ATP11B: variants seen among roughly 807,000 people sequenced by gnomAD.
ATP11B encodes the protein ATPase phospholipid transporting 11B (putative).
Under a neutral mutation model 157.8 loss-of-function variants are expected in ATP11B, and 81 were observed. The ratio of observed to expected loss-of-function variants is 0.51; its 90% CI spans 0.43 to 0.62. The LOEUF (loss-of-function observed/expected upper bound fraction) is 0.62. Ranked by LOEUF, ATP11B falls within the 20% of genes least tolerant of loss-of-function variation. ATP11B has a pLI of 0.00. For missense variants in ATP11B, 1,165 were observed against 1,402.2 expected, an observed-to-expected ratio of 0.83 and a Z score of 2.70; for synonymous variants, 451 against 469.4, an observed-to-expected ratio of 0.96 and a Z score of 0.51.
rs1719006807 is a variant in ATP11B at position 182,841,345 on chromosome 3, G to C, written c.657-730G>C. 2.0e-5 allele frequency among the ~76,000 whole-genome samples: 3 copies of C among 152,166 alleles called. No individual in the cohort carries two copies. The South Asian group carries it at 6.2e-4, about 32-fold the overall frequency. On this transcript the variant is annotated intron_variant, in intron 7 of 29. Coordinates refer to ENST00000323116, the MANE Select transcript of ATP11B (RefSeq NM_014616.3). The stretch of plus-strand genomic sequence containing the variant: ...TGTAAACTCTAGAGCAGGCATCTTT[G>C]TGTATTTTGTTCACTGATGGATCTC...
At chr3:182,912,997 C>T (rs1029199333) in intron 28 of ATP11B, among the ~76,000 whole-genome samples, 2 of 152,018 alleles carry the variant, frequency 1.3e-5, no homozygotes, top group Admixed American at 6.6e-5. Context: ...GTGGTCATAC[C>T]ATCTTTCCCC....
chr3:182,875,730 C>G (rs530066132), intron 19 of ATP11B, among the ~76,000 whole-genome samples: 14 of 152,240 alleles, frequency 9.2e-5, no homozygotes, highest in African/African-American at 3.4e-4. Flanking sequence ...TGTGAGCCAC[C>G]GCACCCGGCC....
At chr3:182,867,961 C>T (rs1721372920) in intron 15 of ATP11B, among the ~76,000 whole-genome samples, 2 of 152,168 alleles carry the variant, frequency 1.3e-5, no homozygotes, top group Admixed American at 1.3e-4. Flanking sequence ...TATTTACTCT[C>T]TGGCCCTTTA....
At position 182,920,061 on chromosome 3, in the gene ATP11B, C is replaced by T. The variant is rs962301657; in HGVS notation, c.*1957C>T. 1 of 152,140 alleles carries T rather than the reference C, an allele frequency of 6.6e-6. No homozygotes were observed. The highest frequency in any genetic ancestry group is 2.4e-5 in the African/African-American group (1 of 41,416). The allele number at this position is 152,140 out of a possible 1,614,324, so 9.4% of individuals were successfully genotyped here. On this transcript the variant is annotated 3_prime_UTR_variant, in exon 30 of 30. Transcript: ENST00000323116. ...ATATAACAAAATGACACCCAGTAGGCCTGCATTACATTTACATGACCGTGT... is the reference window on the plus strand; with the variant it reads ...ATATAACAAAATGACACCCAGTAGGTCTGCATTACATTTACATGACCGTGT...
At chr3:182,907,319 A>G (rs1724439663) in intron 28 of ATP11B, among the ~76,000 whole-genome samples, 2 of 152,180 alleles carry the variant, frequency 1.3e-5, no homozygotes, top group Admixed American at 1.3e-4. Context: ...GTTGTCTCAT[A>G]TGGGAGAAGC....
intron 21 of ATP11B, among the ~76,000 whole-genome samples, chr3:182,881,250 G>C (rs1409885881): frequency 7.9e-5 from 12 of 152,092 alleles, no homozygotes. Flanking sequence ...CCTGACCAAC[G>C]TGGTGAAACC....
chr3:182,812,070 G>A (rs1576957157), intron 1 of ATP11B, among the ~76,000 whole-genome samples: 1 of 152,064 alleles, frequency 6.6e-6, no homozygotes, highest in South Asian at 2.1e-4. Context: ...TAACCAAATA[G>A]GATTCACCCA....
At chr3:182,887,529 G>C in intron 23 of ATP11B, 57 bp from the exon 24 acceptor site, 1 of 1,500,096 alleles carries the variant, frequency 6.7e-7, no homozygotes, top group Non-Finnish European at 9.0e-7. Flanking sequence ...GTTGTCATAT[G>C]CATAATAGTA....
At chr3:182,910,481 G>A (rs761900008) in intron 28 of ATP11B, among the ~76,000 whole-genome samples, 51 of 152,130 alleles carry the variant, frequency 3.4e-4, no homozygotes, top group Admixed American at 1.1e-3. Flanking sequence ...TGAGGTGGAA[G>A]GATTGCTTGA....
chr3:182,852,624 C>T (rs1720067911), intron 10 of ATP11B, among the ~76,000 whole-genome samples: 1 of 152,208 alleles, frequency 6.6e-6, no homozygotes, highest in Non-Finnish European at 1.5e-5. Flanking sequence ...TTTGCCTTTT[C>T]AACACATGGT....
rs1459075027 is a variant in ATP11B at position 182,913,931 on chromosome 3, G to A, written c.3389G>A (p.Cys1130Tyr). ...MCCFPEGEAACASVGRMLERV... is the reference protein window; with the variant it reads ...MCCFPEGEAAYASVGRMLERV... Reference sequence around the variant, plus strand: ...TGTTTCCCGGAAGGAGAAGCAGCGTGTGCATCTGTTGGAAGAATGCTGGAA... The same window carrying A: ...TGTTTCCCGGAAGGAGAAGCAGCGTATGCATCTGTTGGAAGAATGCTGGAA... Residue 1130 changes from cysteine to tyrosine, a missense_variant, in exon 29 of 30, where the codon TGT becomes TAT. Physicochemically the swap from Cys to Tyr is radical, Grantham distance 194. Coordinates refer to ENST00000323116, the MANE Select transcript of ATP11B (RefSeq NM_014616.3). 1.9e-6 allele frequency: 3 copies of A among 1,614,156 alleles called. No individual in the cohort carries two copies. The highest frequency in any genetic ancestry group is 2.2e-5 in the East Asian group (1 of 44,886).
chr3:182,796,009 A>G (rs769858655), intron 1 of ATP11B, among the ~76,000 whole-genome samples: 9 of 151,924 alleles, frequency 5.9e-5, no homozygotes, highest in Admixed American at 2.0e-4. Context: ...ATTTTCAACT[A>G]ATGTCTCACA....
At position 182,921,451 on chromosome 3, in the gene ATP11B, T is replaced by C. The variant is rs1443358327; in HGVS notation, c.*3347T>C. 1 of 151,720 alleles carries C rather than the reference T, an allele frequency of 6.6e-6. No homozygotes were observed. Among genetic ancestry groups the C allele is most frequent in the African/African-American group, 2.4e-5 (1 of 41,434 alleles). The allele number at this position is 151,720 out of a possible 1,614,324, so 9.4% of individuals were successfully genotyped here. On this transcript the variant is annotated 3_prime_UTR_variant, in exon 30 of 30. Transcript: ENST00000323116. ...TAGATTTTTATGAGGAATGAGTATC[T>C]GGAAATATTGTAGCAATACTTGGTT... is the stretch of plus-strand genomic sequence containing the variant.
chr3:182,842,648 CT>C (rs371807006), intron 8 of ATP11B, among the ~76,000 whole-genome samples: 1 of 152,014 alleles, frequency 6.6e-6, no homozygotes, highest in African/African-American at 2.4e-5. Context: ...AGAGTCCTAC[CT>C]TGGGGTGAAA....
At chr3:182,867,211 G>T (rs1179834723) in intron 14 of ATP11B, among the ~76,000 whole-genome samples, 165 bp from the exon 15 acceptor site, 1,996 of 152,180 alleles carry the variant, frequency 0.013, 42 homozygotes, top group African/African-American at 0.047. Flanking sequence ...TGACAGGCAT[G>T]AGCCACCACT....
intron 1 of ATP11B, among the ~76,000 whole-genome samples, chr3:182,800,792 T>G (rs1478886188): frequency 1.3e-5 from 2 of 151,592 alleles, no homozygotes; most frequent in Non-Finnish European, 1.5e-5. Context: ...TTGATTTTTT[T>G]TTTTTTTTAA....
intron 28 of ATP11B, among the ~76,000 whole-genome samples, chr3:182,904,546 A>G (rs1475205815): frequency 1.3e-5 from 2 of 152,250 alleles, no homozygotes; most frequent in Non-Finnish European, 2.9e-5. Context: ...CTGTATGGAT[A>G]TCAGATATCT....
intron 1 of ATP11B, among the ~76,000 whole-genome samples, 176 bp from the exon 2 acceptor site, chr3:182,820,084 T>C (rs1283910644): frequency 1.3e-5 from 2 of 152,120 alleles, no homozygotes; most frequent in African/African-American, 2.4e-5. Flanking sequence ...CCTGTTTACC[T>C]GTGAAAGAAA....
chr3:182,846,541 A>G (rs1235346682), intron 9 of ATP11B, among the ~76,000 whole-genome samples: 7 of 152,258 alleles, frequency 4.6e-5, no homozygotes, highest in Non-Finnish European at 4.4e-5. Context: ...TAGCAGCACT[A>G]TTCATGATAG....
Sources: allele counts gnomAD v4.1 joint callset (sites outside exome capture counted in the v4.1 genomes callset), GRCh38; gene constraint gnomAD v4.1.1; transcripts MANE v1.5; gene names NCBI Gene and HGNC (gene_info 2026-07-23, HGNC 2026-07-21).